MSI2: variants seen among roughly 807,000 people sequenced by gnomAD.
MSI2 encodes the protein RNA-binding protein Musashi homolog 2.
MSI2 carries 17 observed loss-of-function variants against 45.6 expected under a neutral mutation model. That is an observed-to-expected ratio of 0.37 (90% CI 0.26 to 0.56). The LOEUF is 0.56. Ranked by LOEUF, MSI2 falls within the 20% of genes least tolerant of loss-of-function variation. The probability of loss-of-function intolerance (pLI) is 0.77; values close to 1 mark genes in which losing one functional copy is unlikely to be tolerated. For synonymous variants in MSI2, 156 were observed against 158.2 expected (o/e 0.99, Z 0.11); for missense variants, 293 against 444.2 (o/e 0.66, Z 3.06).
intron 5 of MSI2, among the ~76,000 whole-genome samples, chr17:57,307,981 G>A (rs994170045): frequency 6.6e-6 from 1 of 152,218 alleles, no homozygotes; most frequent in Non-Finnish European, 1.5e-5. Flanking sequence ...CATAGAGCCT[G>A]ACAGACAGAC....
rs369869152 is a variant in MSI2 at position 57,487,394 on chromosome 17, T to C, written c.406-42282T>C. ...TTTTCTGTCCCCACATCTCCAGTTA[T>C]CAGTCTTTCTATTGCACCCAAAAAA... is the stretch of plus-strand genomic sequence containing the variant. On this transcript the variant is annotated intron_variant, in intron 6 of 13. Transcript: ENST00000284073. Among the ~76,000 whole-genome samples, 11 of 152,200 alleles carry C rather than the reference T, an allele frequency of 7.2e-5. No individual in the cohort carries two copies. In the East Asian group the frequency reaches 7.7e-4, roughly 11 times the overall value.
At chr17:57,337,549 C>T (rs1031094515) in intron 5 of MSI2, among the ~76,000 whole-genome samples, 1 of 152,112 alleles carries the variant, frequency 6.6e-6, no homozygotes, top group Admixed American at 6.5e-5. Flanking sequence ...TAGCCTGGGT[C>T]TCAGGGGCAG....
chr17:57,481,717 G>T (rs1046553463), intron 6 of MSI2, among the ~76,000 whole-genome samples: 1 of 152,182 alleles, frequency 6.6e-6, no homozygotes, highest in African/African-American at 2.4e-5. Flanking sequence ...CTTTGCAGAA[G>T]GGGCAAGGAA....
chr17:57,629,132 G>A (rs1909107388), intron 10 of MSI2: 1 of 152,222 alleles, frequency 6.6e-6, no homozygotes, highest in African/African-American at 2.4e-5. Context: ...TAAAACTTAG[G>A]TTTAAATTAA....
At chr17:57,316,613 G>A (rs1325848979) in intron 5 of MSI2, among the ~76,000 whole-genome samples, 3 of 152,274 alleles carry the variant, frequency 2.0e-5, no homozygotes, top group South Asian at 4.1e-4. Context: ...GGCGTGAGCC[G>A]CTGCTCCCAG....
chr17:57,429,118 C>T (rs137964702), intron 6 of MSI2, among the ~76,000 whole-genome samples: 99 of 152,184 alleles, frequency 6.5e-4, no homozygotes, highest in African/African-American at 2.4e-3. Context: ...CTTCCTGGAT[C>T]TGCGTGTCCT....
chr17:57,401,294 G>A (rs762415635), intron 5 of MSI2, 85 bp from the exon 6 acceptor site: 63 of 1,109,166 alleles, frequency 5.7e-5, no homozygotes, highest in African/African-American at 7.7e-5. Flanking sequence ...AGAGAAATGT[G>A]GAGAGCAGAT....
intron 7 of MSI2, among the ~76,000 whole-genome samples, chr17:57,569,184 G>T (rs2087810945): frequency 6.6e-6 from 1 of 152,158 alleles, no homozygotes; most frequent in Admixed American, 6.5e-5. Context: ...GTTAGTAGCT[G>T]CCAGCATGTG....
intron 7 of MSI2, among the ~76,000 whole-genome samples, chr17:57,542,260 A>C (rs1403873125): frequency 6.6e-6 from 1 of 152,214 alleles, no homozygotes; most frequent in East Asian, 1.9e-4. Flanking sequence ...ACACTGTTGC[A>C]CAATAAAGCA....
intron 5 of MSI2, among the ~76,000 whole-genome samples, chr17:57,298,226 C>G (rs150472697): frequency 3.3e-5 from 5 of 152,150 alleles, no homozygotes; most frequent in Non-Finnish European, 7.3e-5. Flanking sequence ...CCCTGATCCA[C>G]GGTTGCAGAA....
At chr17:57,670,459 C>T (rs942802464) in intron 11 of MSI2, among the ~76,000 whole-genome samples, 2 of 152,232 alleles carry the variant, frequency 1.3e-5, no homozygotes, top group African/African-American at 4.8e-5. Flanking sequence ...AAGCCTGCAG[C>T]ATCTGTCTCT....
intron 5 of MSI2, among the ~76,000 whole-genome samples, chr17:57,275,235 A>G (rs79542810): frequency 0.042 from 6,405 of 152,266 alleles, 170 homozygotes; most frequent in African/African-American, 0.061. Context: ...GGAACCTTAG[A>G]TGGTGTCCCC....
At chr17:57,259,469 TAAAG>T (rs1907114857) in intron 4 of MSI2, among the ~76,000 whole-genome samples, 1 of 152,320 alleles carries the variant, frequency 6.6e-6, no homozygotes, top group African/African-American at 2.4e-5. Flanking sequence ...GGAAAGCAAA[TAAAG>T]AAACCTGGCA....
intron 5 of MSI2, among the ~76,000 whole-genome samples, chr17:57,360,918 G>T (rs969341652): frequency 6.6e-6 from 1 of 152,198 alleles, no homozygotes; most frequent in Non-Finnish European, 1.5e-5. Context: ...AGGTGAAGAT[G>T]CAGATTTCTG....
intron 5 of MSI2, among the ~76,000 whole-genome samples, chr17:57,391,995 G>T (rs186343116): frequency 5.9e-4 from 90 of 152,298 alleles, no homozygotes; most frequent in African/African-American, 2.1e-3. Context: ...GGTGAGCACT[G>T]GGGGGCAGCG....
At chr17:57,487,529 C>G (rs2085779860) in intron 6 of MSI2, among the ~76,000 whole-genome samples, 1 of 152,160 alleles carries the variant, frequency 6.6e-6, no homozygotes, top group African/African-American at 2.4e-5. Flanking sequence ...TCTGGTCTAC[C>G]CTTTCCATGC....
rs115389200 is a variant in MSI2 at position 57,437,936 on chromosome 17, C to T, written c.405+36465C>T. Among the ~76,000 whole-genome samples the T allele has an allele frequency of 6.3e-3, 961 of 152,290 alleles. 6 individuals are homozygous for T. The highest frequency in any genetic ancestry group is 0.022 in the African/African-American group (917 of 41,556). On this transcript the variant is annotated intron_variant, in intron 6 of 13. Coordinates refer to ENST00000284073, the MANE Select transcript of MSI2 (RefSeq NM_138962.4). ...TGGTGTGACTGACCAACATTAGAGA[C>T]GCACGCAGAAAGCCGTGCACATGCA...
intron 7 of MSI2, among the ~76,000 whole-genome samples, chr17:57,544,620 C>G (rs2087124008): frequency 1.3e-5 from 2 of 152,248 alleles, no homozygotes; most frequent in South Asian, 2.1e-4. Flanking sequence ...GCGATATTAG[C>G]AACACATGCT....
At chr17:57,674,327 A>T (rs1313163928) in intron 11 of MSI2, among the ~76,000 whole-genome samples, 8 of 150,970 alleles carry the variant, frequency 5.3e-5, no homozygotes, top group East Asian at 1.9e-4. Flanking sequence ...GTCTTTTTTA[A>T]AAAAAAAAAC....
Sources: gnomAD v4.1 joint callset for allele counts (sites outside exome capture counted in the v4.1 genomes callset) on GRCh38, gnomAD v4.1.1 for gene constraint, MANE v1.5 for transcripts, NCBI Gene and HGNC (gene_info 2026-07-23, HGNC 2026-07-21) for gene names.